CD300LF: variants seen among roughly 807,000 people sequenced by gnomAD.
CD300LF encodes the protein CMRF35-like molecule 1.
CD300LF carries 27 observed loss-of-function variants against 32.2 expected under a neutral mutation model. The observed-to-expected ratio is 0.84, with a 90% CI of 0.62 to 1.15. CD300LF has a LOEUF of 1.15. Among genes scored for constraint, CD300LF ranks in the 50% most tolerant of loss-of-function variants. The pLI, the probability that CD300LF is intolerant of heterozygous loss-of-function variation, is 0.00. For missense variants in CD300LF, 348 were observed against 356.8 expected (o/e 0.98, Z 0.20); for synonymous variants, 139 against 143.2 (o/e 0.97, Z 0.21).
At chr17:74,710,796 G>A (rs990552843) in intron 1 of CD300LF, among the ~76,000 whole-genome samples, 2 of 152,090 alleles carry the variant, frequency 1.3e-5, no homozygotes, top group Non-Finnish European at 2.9e-5. Context: ...GAATCTGGGA[G>A]GCAGAGGTTG....
chr17:74,709,296 A>T (rs2033777562), intron 1 of CD300LF, among the ~76,000 whole-genome samples: 1 of 152,130 alleles, frequency 6.6e-6, no homozygotes, highest in Non-Finnish European at 1.5e-5. Flanking sequence ...AAATCTTGTG[A>T]TCATCTTAGG....
intron 3 of CD300LF, among the ~76,000 whole-genome samples, chr17:74,700,183 ACAAT>A (rs1421336058): frequency 6.6e-6 from 1 of 151,034 alleles, no homozygotes; most frequent in Non-Finnish European, 1.5e-5. Flanking sequence ...AAACAAACAA[ACAAT>A]CAAAATAAAA....
At chr17:74,708,655 A>G (rs1239938299) in intron 1 of CD300LF, among the ~76,000 whole-genome samples, 5 of 152,186 alleles carry the variant, frequency 3.3e-5, no homozygotes, top group Non-Finnish European at 4.4e-5. Context: ...GGTGGCTTAC[A>G]CCGGTAATCC....
chr17:74,704,331 C>A (rs537499773), intron 2 of CD300LF, 147 bp downstream of exon 2: 2 of 640,306 alleles, frequency 3.1e-6, no homozygotes, highest in African/African-American at 3.7e-5. Flanking sequence ...CCTGCTCCCC[C>A]AGTCCCAGGT....
intron 1 of CD300LF, among the ~76,000 whole-genome samples, chr17:74,707,950 C>T (rs1434175857): frequency 4.6e-5 from 7 of 151,730 alleles, no homozygotes; most frequent in Admixed American, 4.6e-4. Flanking sequence ...GAGTTCAAGA[C>T]CAGCCTGGCC....
chr17:74,699,406 AC>A (rs1486018173), intron 3 of CD300LF, among the ~76,000 whole-genome samples: 1 of 151,980 alleles, frequency 6.6e-6, no homozygotes, highest in African/African-American at 2.4e-5. Context: ...CGTGAATGTG[AC>A]CTATTTGTGG....
At chr17:74,702,232 A>G (rs1185160406) in intron 3 of CD300LF, among the ~76,000 whole-genome samples, 1 of 152,008 alleles carries the variant, frequency 6.6e-6, no homozygotes, top group Non-Finnish European at 1.5e-5. Context: ...AAGAAATTAA[A>G]GGGGACGTTC....
At chr17:74,696,069 T>A in intron 5 of CD300LF, 126 bp downstream of exon 5, 1 of 1,328,622 alleles carries the variant, frequency 7.5e-7, no homozygotes, top group African/African-American at 1.5e-5. Flanking sequence ...CCCTGCAGGG[T>A]GCCATGAGGA....
At chr17:74,707,616 G>A (rs993099530) in intron 1 of CD300LF, among the ~76,000 whole-genome samples, 1 of 151,980 alleles carries the variant, frequency 6.6e-6, no homozygotes, top group African/African-American at 2.4e-5. Flanking sequence ...TTGGGAGGCT[G>A]AGGTGGGAGA....
rs750842364 is a variant in CD300LF, at chr17:74,698,453, G to A, written c.475C>T (p.Leu159=). The part of the protein sequence containing the change: ...RHKLLKLSVL[L]PLIFTILLLL... ...AGCAATATGGTGAAGATGAGGGGCA[G>A]GAGGACACTGAGCTTCAGGAGCTTG... is the stretch of plus-strand genomic sequence containing the variant. The change falls in exon 4 of 7, where the codon CTG becomes TTG. Residue 159 remains leucine, a synonymous_variant. Coordinates refer to ENST00000326165, the MANE Select transcript of CD300LF (RefSeq NM_139018.5). 6.2e-7 allele frequency: 1 copy of A among 1,614,004 alleles called. No homozygotes were observed. The highest frequency in any genetic ancestry group is 8.5e-7 in the Non-Finnish European group (1 of 1,179,992).
rs770842202 is a variant in CD300LF, at chr17:74,698,499, C to A, written c.447-18G>T. 1.9e-6 allele frequency: 3 copies of A among 1,603,870 alleles called. No individual in the cohort carries two copies. The highest frequency in any genetic ancestry group is 2.7e-5 in the African/African-American group (2 of 74,688). On this transcript the variant is annotated intron_variant, in intron 3 of 6. Coordinates refer to ENST00000326165, the MANE Select transcript of CD300LF (RefSeq NM_139018.5). ...GCTTGTGCCTAGAAACAATGGCAAG[C>A]GTCCCCTGCATCCCAGGCTCACCAC... is the stretch of plus-strand genomic sequence containing the variant.
chr17:74,708,644 C>T (rs763219164), intron 1 of CD300LF, among the ~76,000 whole-genome samples: 4 of 152,190 alleles, frequency 2.6e-5, no homozygotes, highest in Admixed American at 6.6e-5. Context: ...AGGCTGGACG[C>T]GGTGGCTTAC....
intron 1 of CD300LF, among the ~76,000 whole-genome samples, chr17:74,706,961 AT>A (rs1363346074): frequency 6.6e-6 from 1 of 152,234 alleles, no homozygotes; most frequent in Non-Finnish European, 1.5e-5. Context: ...CCGGACCTTT[AT>A]CTCACAACAT....
rs575055343 is a variant in CD300LF, at chr17:74,711,977, T to C, written c.43+847A>G. 1.6e-4 allele frequency among the ~76,000 whole-genome samples: 24 copies of C among 149,120 alleles called. No homozygotes were observed. In the South Asian group the frequency reaches 5.1e-3, roughly 32 times the overall value. ...TGGAAGGCAGTAGTGTGATTACAGG[T>C]CACTGCAGCCTCCAACTCCTGGGCT... On this transcript the variant is annotated intron_variant, in intron 1 of 6. Coordinates refer to ENST00000326165, the MANE Select transcript of CD300LF (RefSeq NM_139018.5).
At chr17:74,705,891 G>A (rs2033465779) in intron 1 of CD300LF, among the ~76,000 whole-genome samples, 1 of 152,166 alleles carries the variant, frequency 6.6e-6, no homozygotes, top group African/African-American at 2.4e-5. Flanking sequence ...CACAACGCCT[G>A]GCCTGTATTT....
At chr17:74,697,489 AG>A (rs1340795373) in intron 4 of CD300LF, among the ~76,000 whole-genome samples, 2 of 152,244 alleles carry the variant, frequency 1.3e-5, no homozygotes, top group Non-Finnish European at 2.9e-5. Context: ...ATTTTGAAAA[AG>A]CATCACAGAA....
intron 1 of CD300LF, among the ~76,000 whole-genome samples, chr17:74,712,200 C>G (rs141148701): frequency 6.6e-6 from 1 of 152,106 alleles, no homozygotes; most frequent in Non-Finnish European, 1.5e-5. Flanking sequence ...CTTTCCCTGG[C>G]CTCCCTTCAT....
chr17:74,695,030 G>T lies in CD300LF; in HGVS notation c.*66C>A. ...TTGGTCCTGATGAGGGGAGCAGGGG[G>T]CAGACGGTCGATGAGGCAGGAGTGT... On this transcript the variant is annotated 3_prime_UTR_variant, in exon 7 of 7. Transcript: ENST00000326165. 6.6e-7 allele frequency: 1 copy of T among 1,526,704 alleles called. No homozygotes were observed. The highest frequency in any genetic ancestry group is 1.9e-5 in the Admixed American group (1 of 51,506). 94.6% of individuals were successfully genotyped at this position (1,526,704 alleles called of 1,614,324 possible). A position where few individuals can be genotyped will look rare whatever the true frequency, so the allele number is the denominator to read the frequency against.
chr17:74,705,576 T>A (rs1208862910), intron 1 of CD300LF, among the ~76,000 whole-genome samples: 2 of 152,248 alleles, frequency 1.3e-5, no homozygotes, highest in South Asian at 4.1e-4. Flanking sequence ...TTTACTTTTT[T>A]TTTTCTTTTT....
Sources: gnomAD v4.1 joint callset for allele counts (sites outside exome capture counted in the v4.1 genomes callset) on GRCh38, gnomAD v4.1.1 for gene constraint, MANE v1.5 for transcripts, NCBI Gene and HGNC (gene_info 2026-07-23, HGNC 2026-07-21) for gene names.